IMMP2L: variants seen among roughly 807,000 people sequenced by gnomAD.
IMMP2L encodes the protein inner mitochondrial membrane peptidase subunit 2, also known as mitochondrial inner membrane protease subunit 2.
IMMP2L carries 18 observed loss-of-function variants against 19.3 expected under a neutral mutation model. That is an observed-to-expected ratio of 0.93 (90% CI 0.64 to 1.38). The LOEUF (loss-of-function observed/expected upper bound fraction) is 1.38. Among genes scored for constraint, IMMP2L ranks in the 40% most tolerant of loss-of-function variants. IMMP2L has a pLI of 0.00. For missense variants in IMMP2L, 233 were observed against 218.2 expected (o/e 1.07, Z -0.43); for synonymous variants, 76 against 73.0 (o/e 1.04, Z -0.21).
intron 3 of IMMP2L, among the ~76,000 whole-genome samples, chr7:111,308,156 G>GTT (rs1823090112): frequency 6.6e-6 from 1 of 151,814 alleles, no homozygotes; most frequent in Non-Finnish European, 1.5e-5. Context: ...AAAATCCCAG[G>GTT]CTAAAAAGTA....
At chr7:111,263,433 A>G (rs1304220118) in intron 3 of IMMP2L, among the ~76,000 whole-genome samples, 1 of 152,140 alleles carries the variant, frequency 6.6e-6, no homozygotes, top group Non-Finnish European at 1.5e-5. Flanking sequence ...TAAAACAGCT[A>G]TTTGTTGAAA....
intron 3 of IMMP2L, among the ~76,000 whole-genome samples, chr7:110,987,032 T>A (rs920965593): frequency 6.6e-6 from 1 of 152,056 alleles, no homozygotes; most frequent in Non-Finnish European, 1.5e-5. Context: ...TGGACAATAG[T>A]AGAGTAGGAA....
intron 3 of IMMP2L, among the ~76,000 whole-genome samples, chr7:111,169,621 C>T (rs1269995014): frequency 1.3e-5 from 2 of 151,810 alleles, no homozygotes; most frequent in East Asian, 1.9e-4. Context: ...ATAGCATTTG[C>T]CCTGTGACTC....
chr7:111,281,036 C>T (rs568269945), intron 3 of IMMP2L, among the ~76,000 whole-genome samples: 1 of 150,762 alleles, frequency 6.6e-6, no homozygotes, highest in East Asian at 2.0e-4. Flanking sequence ...CGCCACTGCA[C>T]TCCAGCCTGG....
chr7:111,434,552 TTTA>T (rs1386483572), intron 3 of IMMP2L, among the ~76,000 whole-genome samples: 1 of 151,500 alleles, frequency 6.6e-6, no homozygotes, highest in Non-Finnish European at 1.5e-5. Context: ...GTTTTTTTGT[TTTA>T]TTGTTTTTGA....
chr7:111,029,570 T>G (rs1827190882), intron 3 of IMMP2L, among the ~76,000 whole-genome samples: 1 of 152,174 alleles, frequency 6.6e-6, no homozygotes, highest in African/African-American at 2.4e-5. Flanking sequence ...ACTGAAGTCA[T>G]CCAGACTACC....
chr7:111,508,193 A>C (rs192874895), intron 2 of IMMP2L, among the ~76,000 whole-genome samples: 102 of 152,280 alleles, frequency 6.7e-4, no homozygotes, highest in Non-Finnish European at 3.7e-4. Context: ...AAAGAAAAAA[A>C]TTCACTGACA....
At chr7:110,973,856 A>G (rs2129556983) in intron 3 of IMMP2L, among the ~76,000 whole-genome samples, 1 of 152,178 alleles carries the variant, frequency 6.6e-6, no homozygotes, top group South Asian at 2.1e-4. Context: ...CATTTCACAG[A>G]CTCTGAAACC....
chr7:110,919,515 C>A (rs259006), intron 4 of IMMP2L, among the ~76,000 whole-genome samples: 85,536 of 151,904 alleles, frequency 0.56, 26,313 homozygotes, highest in East Asian at 0.84. Context: ...TGGAGCAATG[C>A]GGGTATGCTT....
intron 5 of IMMP2L, among the ~76,000 whole-genome samples, chr7:110,684,301 CG>C (rs1237261167): frequency 1.3e-5 from 2 of 151,880 alleles, no homozygotes; most frequent in African/African-American, 4.8e-5. Context: ...AATTCTTTTT[CG>C]TATGTTGATT....
At chr7:110,876,228 T>C (rs113543443) in intron 5 of IMMP2L, among the ~76,000 whole-genome samples, 1,752 of 152,296 alleles carry the variant, frequency 0.012, 18 homozygotes, top group Middle Eastern at 0.027. Flanking sequence ...CTTCTATGTT[T>C]CCTTCTTTTA....
At chr7:110,908,657 T>C (rs1812730030) in intron 4 of IMMP2L, among the ~76,000 whole-genome samples, 1 of 152,240 alleles carries the variant, frequency 6.6e-6, no homozygotes, top group South Asian at 2.1e-4. Flanking sequence ...GATAACTATA[T>C]TTATGCTTTC....
chr7:111,164,115 G>A (rs1236427246), intron 3 of IMMP2L, among the ~76,000 whole-genome samples: 2 of 145,914 alleles, frequency 1.4e-5, no homozygotes, highest in Admixed American at 6.8e-5. Context: ...GGGAGAAGGG[G>A]AGGGAGGGGA....
chr7:110,882,287 GCCTTCCTTCCTTCCTTCCTT>G (rs111710073), intron 5 of IMMP2L, among the ~76,000 whole-genome samples: 15 of 122,066 alleles, frequency 1.2e-4, no homozygotes, highest in African/African-American at 3.7e-4. Flanking sequence ...TTTGTCAAGT[GCCTTCCTTCCTTCCTTCCTT>G]CCTTCCTTCC....
chr7:111,336,674 T>A (rs1336082015), intron 3 of IMMP2L, among the ~76,000 whole-genome samples: 2 of 152,062 alleles, frequency 1.3e-5, no homozygotes, highest in African/African-American at 4.8e-5. Context: ...TTTTGTTATA[T>A]AATTTCTTGC....
At chr7:111,421,158 GTGA>G (rs1466338156) in intron 3 of IMMP2L, among the ~76,000 whole-genome samples, 3 of 151,666 alleles carry the variant, frequency 2.0e-5, no homozygotes, top group Non-Finnish European at 2.9e-5. Flanking sequence ...CTGATGACCA[GTGA>G]TGATGACCAT....
At chr7:110,693,407 T>C (rs1407255961) in intron 5 of IMMP2L, among the ~76,000 whole-genome samples, 1 of 152,238 alleles carries the variant, frequency 6.6e-6, no homozygotes, top group Non-Finnish European at 1.5e-5. Flanking sequence ...TTTAAAATAG[T>C]GCCATCTAGT....
chr7:110,846,547 G>A (rs754938322), intron 5 of IMMP2L, among the ~76,000 whole-genome samples: 4 of 151,776 alleles, frequency 2.6e-5, no homozygotes. Flanking sequence ...TGTATTTTTA[G>A]TAGAGACCGG....
At chr7:111,059,659 T>C (rs1041977249) in intron 3 of IMMP2L, among the ~76,000 whole-genome samples, 1 of 152,164 alleles carries the variant, frequency 6.6e-6, no homozygotes, top group Admixed American at 6.5e-5. Context: ...AGCATGAGTA[T>C]TTGTCATTTA....
Sources: gnomAD v4.1 joint callset for allele counts (sites outside exome capture counted in the v4.1 genomes callset) on GRCh38, gnomAD v4.1.1 for gene constraint, MANE v1.5 for transcripts, NCBI Gene and HGNC (gene_info 2026-07-23, HGNC 2026-07-21) for gene names.